CTNNA3: variants seen among roughly 807,000 people sequenced by gnomAD.
CTNNA3 encodes the protein catenin alpha-3.
A neutral mutation model predicts 95.7 loss-of-function variants in CTNNA3; 76 were observed. That is an observed-to-expected ratio of 0.79 (90% CI 0.66 to 0.96). The LOEUF (loss-of-function observed/expected upper bound fraction) is 0.96. Among genes scored for constraint, CTNNA3 ranks in the 40% least tolerant of loss-of-function variants. The pLI is 0.00. For missense variants in CTNNA3, 1,191 were observed against 1,089.8 expected, an observed-to-expected ratio of 1.09 and a Z score of -1.31; for synonymous variants, 431 against 374.4, an observed-to-expected ratio of 1.15 and a Z score of -1.74.
At chr10:67,024,061 G>A (rs1215193294) in intron 7 of CTNNA3, among the ~76,000 whole-genome samples, 2 of 152,186 alleles carry the variant, frequency 1.3e-5, no homozygotes, top group Admixed American at 6.5e-5. Context: ...TCTTCCGGAG[G>A]ACAGAAGTCC....
chr10:66,791,118 GA>G (rs1277796056), intron 7 of CTNNA3, among the ~76,000 whole-genome samples: 1 of 152,118 alleles, frequency 6.6e-6, no homozygotes, highest in Non-Finnish European at 1.5e-5. Flanking sequence ...TAAACAATTA[GA>G]ATTTCTCTTT....
At chr10:67,642,720 A>G (rs563337613) in intron 2 of CTNNA3, among the ~76,000 whole-genome samples, 1 of 152,086 alleles carries the variant, frequency 6.6e-6, no homozygotes, top group East Asian at 1.9e-4. Flanking sequence ...CTGTCTCAAA[A>G]AAAAAAAGTT....
At chr10:66,569,423 G>C (rs1329118154) in intron 10 of CTNNA3, among the ~76,000 whole-genome samples, 10 of 152,068 alleles carry the variant, frequency 6.6e-5, no homozygotes, top group African/African-American at 2.4e-4. Context: ...TCCTGTAGAT[G>C]AAGCATAATA....
At chr10:67,075,557 T>C (rs1856705608) in intron 7 of CTNNA3, among the ~76,000 whole-genome samples, 2 of 152,196 alleles carry the variant, frequency 1.3e-5, no homozygotes, top group Admixed American at 6.5e-5. Context: ...GTTCTGCCAA[T>C]GTTTAACATT....
At chr10:66,297,857 C>G (rs984076450) in intron 12 of CTNNA3, among the ~76,000 whole-genome samples, 1 of 152,100 alleles carries the variant, frequency 6.6e-6, no homozygotes, top group Non-Finnish European at 1.5e-5. Flanking sequence ...TGGGCACTTA[C>G]GTCCAGCTTG....
chr10:66,755,075 A>G (rs141856011), intron 9 of CTNNA3, among the ~76,000 whole-genome samples: 1 of 152,220 alleles, frequency 6.6e-6, no homozygotes. Flanking sequence ...GTTCACCAAC[A>G]TATGAACAGA....
At chr10:67,591,254 G>A (rs985382319) in intron 3 of CTNNA3, among the ~76,000 whole-genome samples, 2 of 152,024 alleles carry the variant, frequency 1.3e-5, no homozygotes, top group African/African-American at 4.8e-5. Context: ...ATTTTAAATG[G>A]TACTTTACCA....
At chr10:66,005,754 CA>C (rs1482892855) in intron 15 of CTNNA3, among the ~76,000 whole-genome samples, 8 of 151,994 alleles carry the variant, frequency 5.3e-5, no homozygotes, top group Admixed American at 3.3e-4. Context: ...TAGATGAGAA[CA>C]TTTTTTTTTC....
At chr10:66,226,654 A>T (rs572285876) in intron 13 of CTNNA3, among the ~76,000 whole-genome samples, 1 of 150,882 alleles carries the variant, frequency 6.6e-6, no homozygotes, top group East Asian at 2.0e-4. Context: ...TAGTATGGTC[A>T]TTTTTATAAT....
intron 9 of CTNNA3, among the ~76,000 whole-genome samples, chr10:66,760,554 A>G (rs535363003): frequency 6.6e-6 from 1 of 152,272 alleles, no homozygotes; most frequent in South Asian, 2.1e-4. Flanking sequence ...ATAATCCCAT[A>G]TAATTTTCTC....
intron 9 of CTNNA3, among the ~76,000 whole-genome samples, chr10:66,653,686 T>G (rs1344728809): frequency 1.3e-5 from 2 of 152,018 alleles, no homozygotes; most frequent in African/African-American, 2.4e-5. Flanking sequence ...GGTATCACAT[T>G]CTCCAATTTC....
chr10:66,219,336 C>G (rs924481027), intron 13 of CTNNA3, among the ~76,000 whole-genome samples: 6 of 152,082 alleles, frequency 3.9e-5, no homozygotes, highest in African/African-American at 1.4e-4. Flanking sequence ...CAAAATGGCT[C>G]CCAGTGATTG....
chr10:66,196,778 A>G (rs568203881), intron 13 of CTNNA3, among the ~76,000 whole-genome samples: 40 of 152,270 alleles, frequency 2.6e-4, no homozygotes, highest in African/African-American at 9.4e-4. Context: ...TGGAGGCCAT[A>G]CCAGGAAGCC....
At chr10:66,249,739 A>C (rs966472881) in intron 13 of CTNNA3, among the ~76,000 whole-genome samples, 3 of 152,104 alleles carry the variant, frequency 2.0e-5, no homozygotes, top group African/African-American at 7.2e-5. Context: ...CAAACCTCAA[A>C]ATACTAAAAA....
At chr10:67,302,262 C>T (rs1470379889) in intron 5 of CTNNA3, among the ~76,000 whole-genome samples, 1 of 151,634 alleles carries the variant, frequency 6.6e-6, no homozygotes, top group South Asian at 2.1e-4. Flanking sequence ...ATGGTAGTTA[C>T]GAGGGGCTGG....
chr10:67,151,732 A>T lies in CTNNA3; in HGVS notation c.1047+28585T>A, dbSNP rs1861096021. Among the ~76,000 whole-genome samples the T allele has an allele frequency of 2.6e-5, 4 of 152,236 alleles. No homozygotes were observed. The South Asian group carries it at 8.3e-4, about 31-fold the overall frequency. On this transcript the variant is annotated intron_variant, in intron 7 of 17. Coordinates refer to ENST00000433211, the MANE Select transcript of CTNNA3 (RefSeq NM_013266.4). ...TACGGAGTATCACAGCATTCTGCAG[A>T]GCAGCATCCATATGTACAAGTCAGC...
rs564181160 is a variant in CTNNA3, at chr10:66,690,152, A to G, written c.1282-68368T>C. On this transcript the variant is annotated intron_variant, in intron 9 of 17. Coordinates refer to ENST00000433211, the MANE Select transcript of CTNNA3 (RefSeq NM_013266.4). Reference sequence around the variant, plus strand: ...AAGAGGTGTGTAACTGGGAGTATGCATGTATATGTGTGTATTTGGGTATAT... The same window carrying G: ...AAGAGGTGTGTAACTGGGAGTATGCGTGTATATGTGTGTATTTGGGTATAT... 3.9e-5 allele frequency among the ~76,000 whole-genome samples: 6 copies of G among 152,264 alleles called. No homozygotes were observed. The South Asian group carries it at 6.2e-4, about 16-fold the overall frequency.
chr10:66,411,003 A>C (rs2093100277), intron 11 of CTNNA3, among the ~76,000 whole-genome samples: 1 of 152,220 alleles, frequency 6.6e-6, no homozygotes, highest in Non-Finnish European at 1.5e-5. Flanking sequence ...TAACTGGCAA[A>C]GCTGTGATTA....
At chr10:66,067,359 T>C (rs2080334366) in intron 15 of CTNNA3, among the ~76,000 whole-genome samples, 1 of 152,176 alleles carries the variant, frequency 6.6e-6, no homozygotes, top group Admixed American at 6.5e-5. Flanking sequence ...AAGAAAAATC[T>C]AGACAGACAG....
Sources: allele counts gnomAD v4.1 joint callset (sites outside exome capture counted in the v4.1 genomes callset), GRCh38; gene constraint gnomAD v4.1.1; transcripts MANE v1.5; gene names NCBI Gene and HGNC (gene_info 2026-07-23, HGNC 2026-07-21).